The following KIAA1217 variants were observed in gnomAD, a reference collection of about 807,000 sequenced individuals.
KIAA1217 encodes KIAA1217.
KIAA1217 carries 88 observed loss-of-function variants against 163.9 expected under a neutral mutation model. That is an observed-to-expected ratio of 0.54 (90% CI 0.45 to 0.64). The LOEUF is 0.64. KIAA1217 is among the 30% of genes least tolerant of loss of function. KIAA1217 has a pLI of 0.00. For missense variants in KIAA1217, 2,372 were observed against 2,475.0 expected, an observed-to-expected ratio of 0.96 and a Z score of 0.88; for synonymous variants, 903 against 923.1, an observed-to-expected ratio of 0.98 and a Z score of 0.39.
intron 2 of KIAA1217, among the ~76,000 whole-genome samples, chr10:24,172,039 T>C (rs556534101): frequency 1.3e-5 from 2 of 152,246 alleles, no homozygotes; most frequent in East Asian, 3.9e-4. Flanking sequence ...GCAAATGGCT[T>C]GACAGAGATC....
At chr10:24,383,929 T>G (rs2053650409) in intron 3 of KIAA1217, among the ~76,000 whole-genome samples, 1 of 152,252 alleles carries the variant, frequency 6.6e-6, no homozygotes, top group Admixed American at 6.5e-5. Flanking sequence ...CCCAGGGGCC[T>G]TGCTCAGCTT....
intron 2 of KIAA1217, among the ~76,000 whole-genome samples, chr10:24,344,286 A>C (rs962832471): frequency 1.3e-5 from 2 of 152,232 alleles, no homozygotes; most frequent in African/African-American, 4.8e-5. Flanking sequence ...CAATAAATCT[A>C]CTGTACCTAC....
At chr10:24,464,262 A>T (rs1313661011) in intron 5 of KIAA1217, among the ~76,000 whole-genome samples, 3 of 152,164 alleles carry the variant, frequency 2.0e-5, no homozygotes, top group Non-Finnish European at 4.4e-5. Context: ...CTGACAGTGA[A>T]TTACTGCTCT....
intron 2 of KIAA1217, among the ~76,000 whole-genome samples, chr10:24,251,290 T>C (rs1306723077): frequency 6.6e-6 from 1 of 151,066 alleles, no homozygotes; most frequent in Non-Finnish European, 1.5e-5. Context: ...GTTCCAGCTA[T>C]GCAGGAAGTT....
intron 1 of KIAA1217, among the ~76,000 whole-genome samples, chr10:23,810,559 A>T (rs982728923): frequency 1.4e-3 from 185 of 134,484 alleles, no homozygotes; most frequent in African/African-American, 4.9e-3. Context: ...TATATATAGT[A>T]TATATAGTAT....
At chr10:23,776,358 A>T (rs6482345) in intron 1 of KIAA1217, among the ~76,000 whole-genome samples, 6,194 of 77,530 alleles carry the variant, frequency 0.08, 402 homozygotes, top group African/African-American at 0.3. Context: ...ATATATATAT[A>T]TTTACAATTT....
intron 2 of KIAA1217, among the ~76,000 whole-genome samples, chr10:24,370,906 G>A (rs556011788): frequency 6.6e-5 from 10 of 152,266 alleles, no homozygotes; most frequent in East Asian, 3.9e-4. Context: ...TCGGCAAAAC[G>A]AAAAGAAGAA....
chr10:24,290,154 G>A (rs1347593840), intron 2 of KIAA1217, among the ~76,000 whole-genome samples: 1 of 152,098 alleles, frequency 6.6e-6, no homozygotes, highest in African/African-American at 2.4e-5. Flanking sequence ...GAGGTGCCAA[G>A]CCTTGTCCTA....
intron 1 of KIAA1217, among the ~76,000 whole-genome samples, chr10:23,904,939 C>T (rs1842090812): frequency 6.6e-6 from 1 of 151,708 alleles, no homozygotes; most frequent in Non-Finnish European, 1.5e-5. Flanking sequence ...GGACACCAGT[C>T]CTCTAATTCT....
intron 1 of KIAA1217, among the ~76,000 whole-genome samples, chr10:23,704,730 C>T (rs996272684): frequency 6.6e-6 from 1 of 151,994 alleles, no homozygotes; most frequent in East Asian, 1.9e-4. Flanking sequence ...AGGTTGCTTC[C>T]AATGTTTGGC....
At chr10:24,065,705 T>G (rs1029693755) in intron 2 of KIAA1217, among the ~76,000 whole-genome samples, 1 of 152,190 alleles carries the variant, frequency 6.6e-6, no homozygotes, top group East Asian at 1.9e-4. Flanking sequence ...CTTGTTAACT[T>G]TCTGTCTCAT....
intron 2 of KIAA1217, among the ~76,000 whole-genome samples, chr10:24,200,898 G>C (rs2067226047): frequency 6.6e-6 from 1 of 152,112 alleles, no homozygotes; most frequent in African/African-American, 2.4e-5. Flanking sequence ...GTTTGTATCA[G>C]TGCTGCTGCT....
Position 24,503,893 on chromosome 10 carries a change from C to T in KIAA1217, c.2001+2348C>T, listed in dbSNP as rs1011744193. Reference sequence around the variant, plus strand: ...CGCCCTTTAAGAAAAACATACATATCATTTGTATGGAAGTACCTAACTGCT... The same window carrying T: ...CGCCCTTTAAGAAAAACATACATATTATTTGTATGGAAGTACCTAACTGCT... On this transcript the variant is annotated intron_variant, in intron 9 of 20. Coordinates refer to ENST00000376454, the MANE Select transcript of KIAA1217 (RefSeq NM_019590.5). Among the ~76,000 whole-genome samples, 68 of 152,158 alleles carry T rather than the reference C, an allele frequency of 4.5e-4. 2 individuals carry two copies. The highest frequency in any genetic ancestry group is 3.8e-4 in the Non-Finnish European group (26 of 68,044).
intron 1 of KIAA1217, among the ~76,000 whole-genome samples, chr10:23,968,349 G>A (rs1043133120): frequency 1.3e-5 from 2 of 152,210 alleles, no homozygotes; most frequent in African/African-American, 4.8e-5. Context: ...GCTTGATAGG[G>A]AAGGCTCTGC....
intron 1 of KIAA1217, among the ~76,000 whole-genome samples, chr10:23,786,214 A>G (rs986410211): frequency 2.0e-5 from 3 of 152,112 alleles, no homozygotes; most frequent in Non-Finnish European, 4.4e-5. Context: ...GAAAGAGTCT[A>G]GGAAGGGATA....
At chr10:23,854,794 T>G (rs1839561227) in intron 1 of KIAA1217, among the ~76,000 whole-genome samples, 1 of 152,190 alleles carries the variant, frequency 6.6e-6, no homozygotes, top group Non-Finnish European at 1.5e-5. Context: ...CTTTTGATCT[T>G]TGTTGGTTTA....
chr10:24,348,006 A>G (rs2048005926), intron 2 of KIAA1217, among the ~76,000 whole-genome samples: 4 of 152,220 alleles, frequency 2.6e-5, no homozygotes, highest in African/African-American at 9.6e-5. Context: ...TCCTTGACTC[A>G]AGAAAGTTGC....
Position 24,287,282 on chromosome 10 carries a change from C to T in KIAA1217, c.354+67373C>T, listed in dbSNP as rs1305076468. Among the ~76,000 whole-genome samples the T allele has an allele frequency of 2.6e-5, 4 of 152,278 alleles. No individual in the cohort carries two copies. The East Asian group carries it at 7.7e-4, about 29-fold the overall frequency. On this transcript the variant is annotated intron_variant, in intron 2 of 20. Coordinates refer to ENST00000376454, the MANE Select transcript of KIAA1217 (RefSeq NM_019590.5). ...GTCAGGCTGGTCTTGAACTCCTGAC[C>T]TCAAGTGATCCACCCGCCTCGGCCT...
chr10:23,939,953 A>T (rs919801664), intron 1 of KIAA1217, among the ~76,000 whole-genome samples: 12 of 150,048 alleles, frequency 8.0e-5, no homozygotes, highest in Admixed American at 2.0e-4. Context: ...ATATAATATT[A>T]AATATAAACT....
Sources: gnomAD v4.1 joint callset for allele counts (sites outside exome capture counted in the v4.1 genomes callset) on GRCh38, gnomAD v4.1.1 for gene constraint, MANE v1.5 for transcripts, NCBI Gene and HGNC (gene_info 2026-07-23, HGNC 2026-07-21) for gene names.